The following PIK3R5 variants were observed in gnomAD, a reference collection of about 807,000 sequenced individuals.
PIK3R5 encodes phosphoinositide-3-kinase regulatory subunit 5, also known as phosphoinositide 3-kinase regulatory subunit 5.
PIK3R5 carries 32 observed loss-of-function variants against 94.9 expected under a neutral mutation model. The ratio of observed to expected loss-of-function variants is 0.34; its 90% confidence interval spans 0.25 to 0.45. PIK3R5 has a LOEUF of 0.45. Ranked by LOEUF, PIK3R5 falls within the 20% of genes least tolerant of loss-of-function variation. The probability of loss-of-function intolerance (pLI) is 1.00; values close to 1 mark genes in which losing one functional copy is unlikely to be tolerated. For missense variants in PIK3R5, 853 were observed against 1,144.6 expected, an observed-to-expected ratio of 0.75 and a Z score of 3.68; for synonymous variants, 443 against 479.4, an observed-to-expected ratio of 0.92 and a Z score of 0.99.
At chr17:8,944,948 C>T (rs2091248338) in intron 1 of PIK3R5, among the ~76,000 whole-genome samples, 1 of 152,178 alleles carries the variant, frequency 6.6e-6, no homozygotes, top group Non-Finnish European at 1.5e-5. Context: ...CTGAGGTTAG[C>T]AGATGAACGT....
At position 8,887,239 on chromosome 17, in the gene PIK3R5, A is replaced by G; in HGVS notation, c.1780-18T>C. 6.2e-7 allele frequency: 1 copy of G among 1,613,438 alleles called. No individual in the cohort carries two copies. Among genetic ancestry groups the G allele is most frequent in the Non-Finnish European group, 8.5e-7 (1 of 1,179,776 alleles). ...CCCAGCTCCTAGGGCAAAGAACAAG[A>G]GTCATCATCCCAGCTCCCCAGGAGG... On this transcript the variant is annotated intron_variant, in intron 11 of 18. Coordinates refer to ENST00000447110, the MANE Select transcript of PIK3R5 (RefSeq NM_001142633.3).
chr17:8,914,059 C>T (rs889886735), intron 1 of PIK3R5, among the ~76,000 whole-genome samples: 2 of 152,176 alleles, frequency 1.3e-5, no homozygotes, highest in South Asian at 2.1e-4. Flanking sequence ...TCAGGGCTAA[C>T]GGCACCTGCT....
At chr17:8,930,992 G>A (rs772740465) in intron 1 of PIK3R5, among the ~76,000 whole-genome samples, 5 of 152,130 alleles carry the variant, frequency 3.3e-5, no homozygotes, top group East Asian at 1.9e-4. Flanking sequence ...TGATATTGTC[G>A]TATTTGTTTT....
At chr17:8,932,704 AAGG>A (rs1335614179) in intron 1 of PIK3R5, among the ~76,000 whole-genome samples, 2 of 152,222 alleles carry the variant, frequency 1.3e-5, no homozygotes, top group Non-Finnish European at 2.9e-5. Flanking sequence ...GAAAATAAAA[AAGG>A]TTTTCAAAAT....
At position 8,893,045 on chromosome 17, in the gene PIK3R5, GC is replaced by G. The variant is rs1567639658; in HGVS notation, c.482+540del. On this transcript the variant is annotated intron_variant, in intron 6 of 18. Transcript: ENST00000447110. The surrounding 1 kb of genome is among the most constrained non-coding windows in gnomAD (Gnocchi z 5.1). ...TGTAACCAGGATACATTTCATTTCA[GC>G]TGTGTGTGTGTGTGTGTGTGTGTGT... Among the ~76,000 whole-genome samples the G allele has an allele frequency of 1.5e-5, 2 of 134,056 alleles. No homozygotes were observed. The highest frequency in any genetic ancestry group is 6.4e-5 in the African/African-American group (2 of 31,434). 87.9% of individuals were successfully genotyped at this position (134,056 alleles called of 152,430 possible).
intron 1 of PIK3R5, among the ~76,000 whole-genome samples, chr17:8,948,136 T>C (rs952999287): frequency 7.0e-6 from 1 of 142,700 alleles, no homozygotes; most frequent in Non-Finnish European, 1.5e-5. Flanking sequence ...ATTTTCAGAG[T>C]CCAAACCAGA....
At chr17:8,902,846 A>ATTTTTTTTTTTTTTTTT (rs35776068) in intron 5 of PIK3R5, among the ~76,000 whole-genome samples, 88 of 140,164 alleles carry the variant, frequency 6.3e-4, no homozygotes, top group African/African-American at 2.3e-3. Context: ...TTTAGATAGA[A>ATTTTTTTTTTTTTTTTT]TTTTTTTTTT....
Position 8,881,807 on chromosome 17 carries a change from G to A in PIK3R5, c.2280C>T (p.Cys760=), listed in dbSNP as rs769679473. The part of the protein sequence containing the change: ...VCTSVNLNKA[C]RKQEELDSSM... The stretch of plus-strand genomic sequence containing the variant: ...ACTCACCCAGCTCCTCCTGCTTCCG[G>A]CAGGCCTTGTTGAGGTTCACGGAGG... The change falls in exon 16 of 19, where the codon TGC becomes TGT. Residue 760 remains cysteine (C), a synonymous_variant. Coordinates refer to ENST00000447110, the MANE Select transcript of PIK3R5 (RefSeq NM_001142633.3). The surrounding 1 kb of genome is among the most constrained non-coding windows in gnomAD (Gnocchi z 4.8). 4 of 1,614,040 alleles carry A rather than the reference G, an allele frequency of 2.5e-6. No individual in the cohort carries two copies. In the South Asian group the frequency reaches 4.4e-5, roughly 18 times the overall value.
intron 1 of PIK3R5, among the ~76,000 whole-genome samples, chr17:8,960,308 A>T (rs2151484288): frequency 6.6e-6 from 1 of 152,364 alleles, no homozygotes; most frequent in South Asian, 2.1e-4. Flanking sequence ...TCTCAACTCA[A>T]ATATGACTTC....
At chr17:8,948,061 AAAAAAGAAAAGAAAAG>A (rs2091308726) in intron 1 of PIK3R5, among the ~76,000 whole-genome samples, 1 of 149,102 alleles carries the variant, frequency 6.7e-6, no homozygotes, top group Non-Finnish European at 1.5e-5. Context: ...AAAAAAAAAA[AAAAAAGAAAAGAAAAG>A]AAAAGAAAAA....
chr17:8,906,197 C>A (rs1254592652), intron 3 of PIK3R5, among the ~76,000 whole-genome samples: 1 of 152,066 alleles, frequency 6.6e-6, no homozygotes, highest in Non-Finnish European at 1.5e-5. Context: ...GATGTCCCCT[C>A]CCTGTGTCCA....
rs1193789443 is a variant in PIK3R5 at position 8,884,397 on chromosome 17, C to T, written c.2205+310G>A. On this transcript the variant is annotated intron_variant, in intron 15 of 18. Transcript: ENST00000447110. This position sits in a 1 kb window ranked among gnomAD's most constrained non-coding sequence, Gnocchi z 5.8. ...TTCTCCCTGAGGTGCCTCTGGAAGG[C>T]TTCCCTTTCCCCCTTTCAGCCCCAG... Among the ~76,000 whole-genome samples the T allele has an allele frequency of 6.6e-6, 1 of 152,030 alleles. No homozygotes were observed. The highest frequency in any genetic ancestry group is 1.5e-5 in the Non-Finnish European group (1 of 67,972).
chr17:8,940,027 C>T (rs1176538577), intron 1 of PIK3R5, among the ~76,000 whole-genome samples: 3 of 152,164 alleles, frequency 2.0e-5, no homozygotes, highest in Admixed American at 6.5e-5. Flanking sequence ...TAAAAACAAC[C>T]CCCAGAGAGC....
intron 1 of PIK3R5, among the ~76,000 whole-genome samples, chr17:8,919,426 G>A (rs999214544): frequency 3.3e-5 from 5 of 152,162 alleles, no homozygotes; most frequent in Non-Finnish European, 7.3e-5. Context: ...AGTCACAGTG[G>A]ACTAGCGCAA....
At chr17:8,887,707 A>AG in intron 10 of PIK3R5, 24 bp from the exon 11 acceptor site, 6 of 1,571,182 alleles carry the variant, frequency 3.8e-6, no homozygotes, top group Non-Finnish European at 4.3e-6. Context: ...GATGGTGAGA[A>AG]GGGGAATGGG....
At chr17:8,958,516 T>A (rs2091502104) in intron 1 of PIK3R5, among the ~76,000 whole-genome samples, 1 of 148,554 alleles carries the variant, frequency 6.7e-6, no homozygotes, top group Non-Finnish European at 1.5e-5. Flanking sequence ...TTCATGCTTT[T>A]AAAAATCCTT....
chr17:8,886,732 T>A (rs1597374250), intron 12 of PIK3R5, 127 bp from the exon 13 acceptor site: 1 of 1,133,290 alleles, frequency 8.8e-7, no homozygotes, highest in Admixed American at 2.4e-5. Context: ...GCTGGTGAGG[T>A]GGAAGCAGGA....
At chr17:8,956,004 C>T (rs954057281) in intron 1 of PIK3R5, among the ~76,000 whole-genome samples, 2 of 151,898 alleles carry the variant, frequency 1.3e-5, no homozygotes, top group African/African-American at 4.8e-5. Flanking sequence ...AAAACACACA[C>T]AAAAAATTAG....
chr17:8,898,240 AT>A (rs2090195959), intron 5 of PIK3R5, among the ~76,000 whole-genome samples: 1 of 152,254 alleles, frequency 6.6e-6, no homozygotes, highest in Non-Finnish European at 1.5e-5. Flanking sequence ...ACTGAAGAAC[AT>A]TCTGAATTCA....
Sources: gnomAD v4.1 joint callset for allele counts (sites outside exome capture counted in the v4.1 genomes callset) on GRCh38, gnomAD v4.1.1 for gene constraint, Gnocchi (gnomAD v3.1) non-coding constraint, MANE v1.5 for transcripts, NCBI Gene and HGNC (gene_info 2026-07-23, HGNC 2026-07-21) for gene names.